RBMS2: variants seen among roughly 807,000 people sequenced by gnomAD.
The protein encoded by RBMS2 is RNA-binding motif, single-stranded-interacting protein 2.
In RBMS2, 38 loss-of-function variants were observed where a neutral mutation model predicts 58.4. The observed-to-expected ratio is 0.65, with a 90% confidence interval of 0.50 to 0.85. The LOEUF is 0.85. RBMS2 is among the 40% of genes least tolerant of loss of function. The pLI, the probability that RBMS2 is intolerant of heterozygous loss-of-function variation, is 0.00. For missense variants in RBMS2, 367 were observed against 503.7 expected, an observed-to-expected ratio of 0.73 and a Z score of 2.60; for synonymous variants, 151 against 180.7, an observed-to-expected ratio of 0.84 and a Z score of 1.32.
chr12:56,572,860 C>G, intron 5 of RBMS2: 1 of 984,036 alleles, frequency 1.0e-6, no homozygotes, highest in Non-Finnish European at 1.2e-6. Context: ...CCTTGGTTCA[C>G]TCTCTGAAGT....
chr12:56,584,592 A>G (rs1416967580), intron 9 of RBMS2, among the ~76,000 whole-genome samples: 1 of 151,908 alleles, frequency 6.6e-6, no homozygotes, highest in Admixed American at 6.6e-5. Context: ...GAGACCATCC[A>G]GACTAACACA....
At chr12:56,588,524 G>A (rs1004925844) in intron 12 of RBMS2, 150 bp downstream of exon 12, 12 of 708,074 alleles carry the variant, frequency 1.7e-5, no homozygotes, top group Admixed American at 5.0e-5. Flanking sequence ...GGATGTGCTC[G>A]CTTCGGCAGC....
chr12:56,564,597 C>A (rs1302138827), intron 2 of RBMS2, among the ~76,000 whole-genome samples: 1 of 152,212 alleles, frequency 6.6e-6, no homozygotes, highest in East Asian at 1.9e-4. Flanking sequence ...CTTATGCGCT[C>A]AATCATTCCT....
At chr12:56,569,360 C>CT (rs1881910078) in intron 3 of RBMS2, among the ~76,000 whole-genome samples, 1 of 151,984 alleles carries the variant, frequency 6.6e-6, no homozygotes, top group African/African-American at 2.4e-5. Context: ...ATGTAAATGC[C>CT]TTTTTTGGGG....
upstream of RBMS2, among the ~76,000 whole-genome samples, chr12:56,521,507 T>TG (rs1555185443): frequency 3.5e-5 from 5 of 143,720 alleles, no homozygotes; most frequent in Non-Finnish European, 6.0e-5. Context: ...ACTCTGTTTT[T>TG]TTTTTTTTTT....
intron 5 of RBMS2, chr12:56,572,789 G>T: frequency 1.0e-6 from 1 of 985,272 alleles, no homozygotes; most frequent in Non-Finnish European, 1.2e-6. Flanking sequence ...TTCCTTTTCA[G>T]ATCTGTTGGG....
At chr12:56,575,164 G>C (rs900117025) in intron 5 of RBMS2, among the ~76,000 whole-genome samples, 1 of 148,212 alleles carries the variant, frequency 6.7e-6, no homozygotes, top group African/African-American at 2.5e-5. Context: ...AGTGAGACTC[G>C]TCTCAAAAAA....
intron 1 of RBMS2, among the ~76,000 whole-genome samples, chr12:56,531,446 T>G (rs1873705060): frequency 6.6e-6 from 1 of 152,196 alleles, no homozygotes; most frequent in Non-Finnish European, 1.5e-5. Context: ...TTGATTGATC[T>G]GAATTTAAAT....
intron 1 of RBMS2, among the ~76,000 whole-genome samples, chr12:56,550,206 A>C (rs540984400): frequency 7.2e-5 from 11 of 152,260 alleles, no homozygotes; most frequent in African/African-American, 2.6e-4. Context: ...AATTGGCTGA[A>C]TTGTCAGTTC....
chr12:56,566,462 C>T (rs1881359785), intron 2 of RBMS2, among the ~76,000 whole-genome samples: 1 of 152,182 alleles, frequency 6.6e-6, no homozygotes, highest in African/African-American at 2.4e-5. Context: ...TACACTACTA[C>T]TCAAGTTTTA....
At chr12:56,581,117 C>A in intron 5 of RBMS2, 67 bp from the exon 6 acceptor site, 1 of 1,330,064 alleles carries the variant, frequency 7.5e-7, no homozygotes, top group Non-Finnish European at 1.1e-6. Context: ...GCTTTGCTTT[C>A]TCTTTCAATG....
chr12:56,540,156 A>T (rs183728039), intron 1 of RBMS2, among the ~76,000 whole-genome samples: 2 of 152,242 alleles, frequency 1.3e-5, no homozygotes, highest in East Asian at 3.9e-4. Context: ...TCCCCACTAA[A>T]TACTCCTGAA....
upstream of RBMS2, among the ~76,000 whole-genome samples, chr12:56,521,502 GTTTTTTTTTTTT>G (rs68129205): frequency 1.4e-5 from 1 of 73,168 alleles, no homozygotes; most frequent in Non-Finnish European, 2.4e-5. Context: ...CTCTAACTCT[GTTTTTTTTTTTT>G]TTTTTTTTTG....
At chr12:56,522,861 C>T (rs1871982082) in intron 1 of RBMS2, among the ~76,000 whole-genome samples, 2 of 152,176 alleles carry the variant, frequency 1.3e-5, no homozygotes, top group African/African-American at 4.8e-5. Flanking sequence ...CAGTTTCTGG[C>T]ATTTCAGGGC....
intron 1 of RBMS2, among the ~76,000 whole-genome samples, chr12:56,548,237 A>G (rs1877613211): frequency 1.3e-5 from 2 of 151,962 alleles, no homozygotes; most frequent in Admixed American, 1.3e-4. Flanking sequence ...ACATGAGGTC[A>G]GGAGTTCGAG....
At chr12:56,561,816 C>T (rs1880479041) in intron 1 of RBMS2, among the ~76,000 whole-genome samples, 2 of 148,896 alleles carry the variant, frequency 1.3e-5, no homozygotes, top group East Asian at 4.0e-4. Context: ...CCACCGCGCC[C>T]GTCCTGCATT....
intron 9 of RBMS2, among the ~76,000 whole-genome samples, chr12:56,582,496 A>G (rs1020667008): frequency 2.6e-5 from 4 of 152,184 alleles, no homozygotes; most frequent in African/African-American, 9.7e-5. Flanking sequence ...ATATTTTTAC[A>G]TTCACTCATC....
chr12:56,550,195 G>T (rs890886453), intron 1 of RBMS2, among the ~76,000 whole-genome samples: 6 of 152,090 alleles, frequency 3.9e-5, no homozygotes, highest in African/African-American at 1.4e-4. Context: ...TAGAAGACAT[G>T]AATTGGCTGA....
rs1205696268 is a variant in RBMS2 at position 56,589,862 on chromosome 12, T to A, written c.*729T>A. On this transcript the variant is annotated 3_prime_UTR_variant, in exon 14 of 14. Coordinates refer to ENST00000262031, the MANE Select transcript of RBMS2 (RefSeq NM_002898.4). ...ATGAAATTTCATGTGGAATTTGGGG[T>A]TGGGGGGCAGGCTGGGCAAGGAACA... 1 of 152,646 alleles carries A rather than the reference T, an allele frequency of 6.6e-6. No individual in the cohort carries two copies. Among genetic ancestry groups the A allele is most frequent in the Non-Finnish European group, 1.5e-5 (1 of 68,120 alleles). 9.5% of individuals were successfully genotyped at this position (152,646 alleles called of 1,614,324 possible).
Sources: gnomAD v4.1 joint callset for allele counts (sites outside exome capture counted in the v4.1 genomes callset) on GRCh38, gnomAD v4.1.1 for gene constraint, MANE v1.5 for transcripts, NCBI Gene and HGNC (gene_info 2026-07-23, HGNC 2026-07-21) for gene names.